The following RIMS3 variants were observed in gnomAD, a reference collection of about 807,000 sequenced individuals.
The protein encoded by RIMS3 is regulating synaptic membrane exocytosis protein 3.
RIMS3 carries 15 observed loss-of-function variants against 29.2 expected under a neutral mutation model. The observed-to-expected ratio is 0.51, with a 90% CI of 0.34 to 0.79. The LOEUF is 0.79. RIMS3 is among the 30% of genes least tolerant of loss of function. The pLI is 0.01. For missense variants in RIMS3, 342 were observed against 421.4 expected (o/e 0.81, Z 1.65); for synonymous variants, 161 against 170.1 (o/e 0.95, Z 0.41).
chr1:40,682,596 A>G, the RIMS3 span, among the ~76,000 whole-genome samples: 4 of 152,180 alleles, frequency 2.6e-5, no homozygotes, highest in Admixed American at 2.6e-4. Context: ...CCCCCTCCAG[A>G]GGAAAGGAAT....
intron 1 of RIMS3, among the ~76,000 whole-genome samples, chr1:40,661,504 AT>A (rs1168618835): frequency 6.6e-6 from 1 of 152,200 alleles, no homozygotes; most frequent in East Asian, 1.9e-4. Context: ...TCAGCAGAAC[AT>A]TAAGTGTGGG....
intron 2 of RIMS3, among the ~76,000 whole-genome samples, chr1:40,645,144 C>G (rs1448019327): frequency 6.6e-6 from 1 of 152,164 alleles, no homozygotes; most frequent in African/African-American, 2.4e-5. Context: ...AACCCTGCAG[C>G]TAATGGAAAG....
chr1:40,642,306 G>A (rs1246639787), intron 2 of RIMS3, among the ~76,000 whole-genome samples: 1 of 152,206 alleles, frequency 6.6e-6, no homozygotes, highest in Non-Finnish European at 1.5e-5. Context: ...ATCTCAGCAA[G>A]ATGTGAAATA....
At chr1:40,644,061 T>TG (rs11455311) in intron 2 of RIMS3, among the ~76,000 whole-genome samples, 96,291 of 150,494 alleles carry the variant, frequency 0.64, 31,083 homozygotes, top group African/African-American at 0.69. Flanking sequence ...ACAAGAAAGG[T>TG]GGGGGGCTCT....
At chr1:40,676,079 T>TA in the RIMS3 span, among the ~76,000 whole-genome samples, 1,332 of 152,184 alleles carry the variant, frequency 8.8e-3, 16 homozygotes, top group African/African-American at 0.031. Context: ...GGTGAGAAGA[T>TA]AGAGAATAAA....
At chr1:40,685,463 G>T in the RIMS3 span, among the ~76,000 whole-genome samples, 428 of 151,374 alleles carry the variant, frequency 2.8e-3, 4 homozygotes, top group African/African-American at 1.0e-2. Flanking sequence ...GCCTGACCCT[G>T]AGTGAAGGAC....
chr1:40,633,866 G>A (rs1646504519), intron 4 of RIMS3, among the ~76,000 whole-genome samples: 1 of 152,240 alleles, frequency 6.6e-6, no homozygotes, highest in South Asian at 2.1e-4. Flanking sequence ...TCTTACAGAT[G>A]AGAAAACAGA....
chr1:40,674,843 T>G, the RIMS3 span, among the ~76,000 whole-genome samples: 1 of 152,178 alleles, frequency 6.6e-6, no homozygotes, highest in African/African-American at 2.4e-5. Flanking sequence ...AGAAATATAT[T>G]TCTATACCTT....
chr1:40,644,304 G>A (rs1006737971), intron 2 of RIMS3, among the ~76,000 whole-genome samples: 2 of 152,192 alleles, frequency 1.3e-5, no homozygotes, highest in Admixed American at 6.5e-5. Flanking sequence ...CCTGATGCCA[G>A]GGTCATAAAT....
At position 40,626,671 on chromosome 1, in the gene RIMS3, T is replaced by C. The variant is rs916513777; in HGVS notation, c.773A>G (p.Gln258Arg). Residue 258 changes from glutamine (Q) to arginine (R), a missense_variant, in exon 8 of 8, where the codon CAG becomes CGG. Transcript: ENST00000372684. ...MDHKCFMGMA[Q>R]IMLDELDLSA... is the part of the protein sequence containing the mutation. ...GAGGTCCAGCTCGTCCAGCATGATC[T>C]GGGCCATGCCCATGAAGCACTTGTG... 6.2e-7 allele frequency: 1 copy of C among 1,614,218 alleles called. No individual in the cohort carries two copies. The highest frequency in any genetic ancestry group is 1.3e-5 in the African/African-American group (1 of 75,062).
At chr1:40,689,368 AACTC>A in the RIMS3 span, among the ~76,000 whole-genome samples, 4 of 152,082 alleles carry the variant, frequency 2.6e-5, no homozygotes, top group Non-Finnish European at 4.4e-5. Flanking sequence ...TGCAACCTCC[AACTC>A]CCTGGTTAAA....
Position 40,633,830 on chromosome 1 carries a change from T to C in RIMS3, c.360-649A>G, listed in dbSNP as rs553238666. On this transcript the variant is annotated intron_variant, in intron 4 of 7. Coordinates refer to ENST00000372684, the MANE Select transcript of RIMS3 (RefSeq NM_014747.3). The stretch of plus-strand genomic sequence containing the variant: ...TATATCTTTTAATCCTTACAACCAC[T>C]CTGTGTGGTAGGAGCTATTATCCAG... Among the ~76,000 whole-genome samples, 33 of 152,286 alleles carry C rather than the reference T, an allele frequency of 2.2e-4. No homozygotes were observed. In the South Asian group the frequency reaches 6.8e-3, roughly 32 times the overall value.
the RIMS3 span, among the ~76,000 whole-genome samples, chr1:40,682,646 A>T: frequency 6.6e-6 from 1 of 151,358 alleles, no homozygotes; most frequent in Non-Finnish European, 1.5e-5. Context: ...GCTGGTTTGG[A>T]TTTTAAACAA....
At chr1:40,627,607 T>C (rs1646463591) in intron 7 of RIMS3, among the ~76,000 whole-genome samples, 1 of 151,870 alleles carries the variant, frequency 6.6e-6, no homozygotes, top group Non-Finnish European at 1.5e-5. Flanking sequence ...CTTTTTTTAT[T>C]TTTAATTTTT....
intron 7 of RIMS3, among the ~76,000 whole-genome samples, chr1:40,628,363 A>G (rs569567271): frequency 2.0e-5 from 3 of 152,362 alleles, no homozygotes; most frequent in African/African-American, 7.2e-5. Context: ...GATGACAGTC[A>G]CCTGGCCTGG....
In RIMS3 at chr1:40,628,905, C is replaced by T. The variant is rs148298010; in HGVS notation, c.619G>A (p.Ala207Thr). The change falls in exon 7 of 8, where the codon GCC becomes ACC. Residue 207 changes from alanine to threonine, a missense_variant. Physicochemically the swap from Ala to Thr is moderately conservative, Grantham distance 58. Coordinates refer to ENST00000372684, the MANE Select transcript of RIMS3 (RefSeq NM_014747.3). ...TTGGTCATCTTTGTCTTCTTCTTGGCCAAGCAGGCCCCATTCTCCAGCAGG... is the reference window on the plus strand; with the variant it reads ...TTGGTCATCTTTGTCTTCTTCTTGGTCAAGCAGGCCCCATTCTCCAGCAGG... Reference protein sequence around the residue: ...VYLLENGACLAKKKTKMTKKT... With the variant: ...VYLLENGACLTKKKTKMTKKT... 2,263 of 1,613,738 alleles carry T rather than the reference C, an allele frequency of 1.4e-3. 48 individuals carry two copies. The South Asian group carries it at 0.023, about 17-fold the overall frequency.
chr1:40,689,504 A>G, the RIMS3 span, among the ~76,000 whole-genome samples: 1 of 151,196 alleles, frequency 6.6e-6, no homozygotes, highest in Non-Finnish European at 1.5e-5. Context: ...CTGGTCTTGA[A>G]CTCCTGACCT....
At chr1:40,680,546 G>A in the RIMS3 span, among the ~76,000 whole-genome samples, 1 of 151,956 alleles carries the variant, frequency 6.6e-6, no homozygotes, top group Non-Finnish European at 1.5e-5. Flanking sequence ...TGGCCAGGAT[G>A]GTCTTGAACT....
the RIMS3 span, chr1:40,691,119 C>G: frequency 6.6e-6 from 1 of 152,242 alleles, no homozygotes; most frequent in Non-Finnish European, 1.5e-5. Context: ...TTTCCAACTG[C>G]GTGATAAAAC....
Sources: allele counts gnomAD v4.1 joint callset (sites outside exome capture counted in the v4.1 genomes callset), GRCh38; gene constraint gnomAD v4.1.1; transcripts MANE v1.5; gene names NCBI Gene and HGNC (gene_info 2026-07-23, HGNC 2026-07-21).